The following CAGE1 variants were observed in gnomAD, a reference collection of about 807,000 sequenced individuals.
CAGE1 encodes the protein cancer-associated gene 1 protein.
CAGE1 carries 66 observed loss-of-function variants against 94.9 expected under a neutral mutation model. That is an observed-to-expected ratio of 0.70 (90% confidence interval 0.57 to 0.85). The LOEUF (loss-of-function observed/expected upper bound fraction) is 0.85. CAGE1 is among the 40% of genes least tolerant of loss of function. The pLI is 0.00. For missense variants in CAGE1, 865 were observed against 950.4 expected (o/e 0.91, Z 1.18); for synonymous variants, 319 against 321.0 (o/e 0.99, Z 0.07).
chr6:7,387,986 A>G (rs931867553), intron 1 of CAGE1, among the ~76,000 whole-genome samples: 3 of 146,052 alleles, frequency 2.1e-5, no homozygotes, highest in African/African-American at 7.6e-5. Context: ...GTGAGCCGAG[A>G]TGGCCCACTG....
At chr6:7,345,368 C>T (rs1040263835) in intron 11 of CAGE1, among the ~76,000 whole-genome samples, 23 of 136,126 alleles carry the variant, frequency 1.7e-4, no homozygotes, top group African/African-American at 6.3e-4. Context: ...CACATCAGAA[C>T]ATCAGAAGGA....
intron 1 of CAGE1, among the ~76,000 whole-genome samples, chr6:7,387,786 GA>G (rs1471528487): frequency 3.3e-5 from 5 of 150,876 alleles, no homozygotes; most frequent in African/African-American, 1.2e-4. Context: ...TTGGGAGGCC[GA>G]CGCGGGCGGA....
chr6:7,331,335 G>T, intron 12 of CAGE1: 1 of 1,058,182 alleles, frequency 9.5e-7, no homozygotes, highest in Non-Finnish European at 1.3e-6. Flanking sequence ...AAAGAGACCC[G>T]TAAGTCTGGA....
intron 4 of CAGE1, among the ~76,000 whole-genome samples, chr6:7,375,021 G>A (rs552638470): frequency 6.6e-6 from 1 of 152,042 alleles, no homozygotes; most frequent in African/African-American, 2.4e-5. Flanking sequence ...GCGATAGAGC[G>A]AGACTCTGTC....
At chr6:7,330,073 A>C (rs1447190220) in intron 12 of CAGE1, among the ~76,000 whole-genome samples, 185 bp from the exon 13 acceptor site, 1 of 152,124 alleles carries the variant, frequency 6.6e-6, no homozygotes, top group Non-Finnish European at 1.5e-5. Flanking sequence ...TAACATGTGA[A>C]TCATTCTCAG....
intron 6 of CAGE1, 22 bp downstream of exon 6, chr6:7,369,897 T>C (rs1316736191): frequency 9.4e-6 from 15 of 1,591,324 alleles, no homozygotes; most frequent in Non-Finnish European, 1.0e-5. Context: ...TACTAAAATA[T>C]CTAATATATA....
intron 7 of CAGE1, among the ~76,000 whole-genome samples, chr6:7,366,466 G>C (rs906768970): frequency 8.5e-5 from 13 of 152,140 alleles, no homozygotes; most frequent in Non-Finnish European, 4.4e-5. Flanking sequence ...GGCTTATGGT[G>C]CTCAACCTAC....
intron 11 of CAGE1, among the ~76,000 whole-genome samples, chr6:7,345,469 C>T (rs999876707): frequency 2.6e-5 from 4 of 152,182 alleles, no homozygotes; most frequent in Admixed American, 1.3e-4. Flanking sequence ...TAGCCCAAGT[C>T]CAGACACAAA....
At chr6:7,352,306 C>CAACAA (rs1249992832) in intron 11 of CAGE1, among the ~76,000 whole-genome samples, 2 of 103,980 alleles carry the variant, frequency 1.9e-5, no homozygotes, top group African/African-American at 4.3e-5. Flanking sequence ...AAAAAAAAAA[C>CAACAA]AAAAAAAAAC....
In CAGE1 at chr6:7,373,956, T is replaced by C. The variant is rs1482691434; in HGVS notation, c.863A>G (p.Asp288Gly). The change falls in exon 5 of 14, where the codon GAC becomes GGC. Residue 288 changes from aspartate (D) to glycine (G), a missense_variant. Physicochemically the swap from Asp to Gly is moderately conservative, Grantham distance 94. Transcript: ENST00000502583. ...EACRENCEMPDWEQSAESLQP... is the reference protein window; with the variant it reads ...EACRENCEMPGWEQSAESLQP... Reference sequence around the variant, plus strand: ...TAAGCTTTCAGCACTTTGCTCCCAGTCAGGCATCTCACAGTTCTCCCGACA... The same window carrying C: ...TAAGCTTTCAGCACTTTGCTCCCAGCCAGGCATCTCACAGTTCTCCCGACA... 2.5e-6 allele frequency: 4 copies of C among 1,613,904 alleles called. No individual in the cohort carries two copies. The highest frequency in any genetic ancestry group is 2.7e-5 in the African/African-American group (2 of 74,928).
chr6:7,364,611 G>C (rs571210839), intron 9 of CAGE1, among the ~76,000 whole-genome samples: 3 of 152,210 alleles, frequency 2.0e-5, no homozygotes, highest in African/African-American at 4.8e-5. Flanking sequence ...TGGGATTACA[G>C]GTGCCTGCCA....
intron 11 of CAGE1, among the ~76,000 whole-genome samples, chr6:7,344,608 G>T (rs1013146192): frequency 6.6e-6 from 1 of 151,974 alleles, no homozygotes; most frequent in Admixed American, 6.5e-5. Context: ...GCGGGCGTAC[G>T]GCCCGAGACT....
intron 11 of CAGE1, among the ~76,000 whole-genome samples, chr6:7,342,728 A>G (rs560969658): frequency 6.6e-6 from 1 of 152,124 alleles, no homozygotes; most frequent in Non-Finnish European, 1.5e-5. Context: ...GCTTAAGCCA[A>G]TGTCGAGAAG....
In CAGE1 at chr6:7,368,627, C is replaced by T. The variant is rs372137682; in HGVS notation, c.2004+61G>A. The T allele has an allele frequency of 2.0e-3, 1,759 of 890,544 alleles. 11 individuals carry two copies. Among genetic ancestry groups the T allele is most frequent in the Middle Eastern group, 0.015 (42 of 2,842 alleles). 55.2% of individuals were successfully genotyped at this position (890,544 alleles called of 1,614,324 possible). ...AACTTTAAGAGTTACTTCTTCACTA[C>T]CTTTTAACTATTTTTTCACTAAAAA... On this transcript the variant is annotated intron_variant, in intron 7 of 13. Coordinates refer to ENST00000502583, the MANE Select transcript of CAGE1 (RefSeq NM_001170692.2).
intron 11 of CAGE1, among the ~76,000 whole-genome samples, chr6:7,344,228 C>CA (rs2113374071): frequency 6.6e-6 from 1 of 152,200 alleles, no homozygotes; most frequent in Non-Finnish European, 1.5e-5. Flanking sequence ...GGAGAGGCGC[C>CA]AGCGGGAACC....
At position 7,365,850 on chromosome 6, in the gene CAGE1, C is replaced by G; in HGVS notation, c.2039G>C (p.Arg680Thr). 3 of 1,539,822 alleles carry G rather than the reference C, an allele frequency of 1.9e-6. No homozygotes were observed. The South Asian group carries it at 3.6e-5, about 19-fold the overall frequency. The change falls in exon 8 of 14, where the codon AGA becomes ACA. Residue 680 changes from arginine (R) to threonine (T), a missense_variant. Physicochemically the swap from Arg to Thr is moderately conservative, Grantham distance 71. Coordinates refer to ENST00000502583, the MANE Select transcript of CAGE1 (RefSeq NM_001170692.2). The part of the protein sequence containing the change: ...LKHKDRITTF[R>T]ELIAKEKAFQ... ...TGCTTTTTCCTTAGCAATTAACTCT[C>G]TAAAGGTTGTGATTCTATCTTTATG...
At chr6:7,371,083 G>T (rs10901004) in intron 5 of CAGE1, among the ~76,000 whole-genome samples, 54,039 of 151,966 alleles carry the variant, frequency 0.36, 9,792 homozygotes, top group Admixed American at 0.42. Context: ...ATCATGATTT[G>T]CTTAGGAGCT....
At position 7,368,745 on chromosome 6, in the gene CAGE1, A is replaced by G. The variant is rs1760438525; in HGVS notation, c.1947T>C (p.Asp649=). The G allele has an allele frequency of 6.4e-7, 1 of 1,561,058 alleles. No homozygotes were observed. Among genetic ancestry groups the G allele is most frequent in the Non-Finnish European group, 8.7e-7 (1 of 1,151,824 alleles). Residue 649 remains aspartate, a synonymous_variant, in exon 7 of 14, where the codon GAT becomes GAC. Coordinates refer to ENST00000502583, the MANE Select transcript of CAGE1 (RefSeq NM_001170692.2). ...EHFKESEKVS[D]IMLQKLKSLH... is the part of the protein sequence containing the mutation. The stretch of plus-strand genomic sequence containing the variant: ...GGCTCTTCAGTTTTTGCAGCATTAT[A>G]TCACTAACCTTCTCACTCTCTTTGA...
chr6:7,358,855 T>C lies in CAGE1; in HGVS notation c.2194-2726A>G, dbSNP rs571049880. 6.7e-4 allele frequency among the ~76,000 whole-genome samples: 102 copies of C among 152,214 alleles called. 1 individual carries two copies. Among genetic ancestry groups the C allele is most frequent in the African/African-American group, 2.3e-3 (95 of 41,532 alleles). On this transcript the variant is annotated intron_variant, in intron 9 of 13. Coordinates refer to ENST00000502583, the MANE Select transcript of CAGE1 (RefSeq NM_001170692.2). ...CCAAAAAAAACTAGGAGTAGAATAA[T>C]GGTAGGTGTGTGTTTAACTTTTAAA...
Sources: allele counts gnomAD v4.1 joint callset (sites outside exome capture counted in the v4.1 genomes callset), GRCh38; gene constraint gnomAD v4.1.1; transcripts MANE v1.5; gene names NCBI Gene and HGNC (gene_info 2026-07-23, HGNC 2026-07-21).